CIBAR2: variants seen among roughly 807,000 people sequenced by gnomAD.
The protein encoded by CIBAR2 is CBY1-interacting BAR domain-containing protein 2.
A neutral mutation model predicts 36.2 loss-of-function variants in CIBAR2; 38 were observed. The observed-to-expected ratio is 1.05, with a 90% CI of 0.81 to 1.38. The LOEUF is 1.38. CIBAR2 is among the 40% of genes most tolerant of loss of function. CIBAR2 has a pLI of 0.00. For synonymous variants in CIBAR2, 182 were observed against 149.5 expected (o/e 1.22, Z -1.58); for missense variants, 481 against 383.4 (o/e 1.25, Z -2.13).
In CIBAR2 at chr16:85,098,696, T is replaced by A; in HGVS notation, c.*489A>T. ...CTCTGAGCACTCTAAATAATAATAA[T>A]AATAAAACGACAGCAACATCAGTAA... On this transcript the variant is annotated 3_prime_UTR_variant, in exon 9 of 9. Transcript: ENST00000539556. The A allele has an allele frequency of 1.1e-6, 1 of 903,924 alleles. No individual in the cohort carries two copies. The highest frequency in any genetic ancestry group is 1.3e-6 in the Non-Finnish European group (1 of 755,304). 56.0% of individuals were successfully genotyped at this position (903,924 alleles called of 1,614,324 possible). A position where few individuals can be genotyped will look rare whatever the true frequency, so the allele number is the denominator to read the frequency against.
rs753392565 is a variant in CIBAR2 at position 85,105,371 on chromosome 16, C to A, written c.493G>T (p.Glu165Ter). The A allele has an allele frequency of 1.2e-6, 2 of 1,613,802 alleles. No homozygotes were observed. The highest frequency in any genetic ancestry group is 2.7e-5 in the African/African-American group (2 of 74,948). The change falls in exon 6 of 9, where the codon GAG becomes TAG. Residue 165 changes from glutamate to a stop codon, truncating the protein, a stop_gained. Coordinates refer to ENST00000539556, the MANE Select transcript of CIBAR2 (RefSeq NM_198491.3). LOFTEE classifies it high-confidence loss of function. ...TGCCTCTGGAAGCCATCCACAGTCT[C>A]CTCCAGCTGGAGGGTGGTGCGGCTG... is the stretch of plus-strand genomic sequence containing the variant. ...DSSRTTLQLE[E>*]TVDGFQRQKL...
chr16:85,107,130 G>C (rs933081919), intron 5 of CIBAR2, among the ~76,000 whole-genome samples: 1 of 151,708 alleles, frequency 6.6e-6, no homozygotes, highest in Non-Finnish European at 1.5e-5. Flanking sequence ...CTAGGCAACA[G>C]AGCGAGACTT....
At position 85,098,763 on chromosome 16, in the gene CIBAR2, A is replaced by G. The variant is rs2073930339; in HGVS notation, c.*422T>C. Reference sequence around the variant, plus strand: ...AAGTCTCAAGTGTTTGTTGCGCAACAGGCCGGGTTTTCTGTGCTTCGTATA... The same window carrying G: ...AAGTCTCAAGTGTTTGTTGCGCAACGGGCCGGGTTTTCTGTGCTTCGTATA... On this transcript the variant is annotated 3_prime_UTR_variant, in exon 9 of 9. Coordinates refer to ENST00000539556, the MANE Select transcript of CIBAR2 (RefSeq NM_198491.3). 1 of 465,380 alleles carries G rather than the reference A, an allele frequency of 2.1e-6. No individual in the cohort carries two copies. Among genetic ancestry groups the G allele is most frequent in the South Asian group, 9.1e-5 (1 of 11,044 alleles). The allele number at this position is 465,380 out of a possible 1,614,324, so 28.8% of individuals were successfully genotyped here. A position where few individuals can be genotyped will look rare whatever the true frequency, so the allele number is the denominator to read the frequency against.
In CIBAR2 at chr16:85,099,087, AACAAAG is replaced by A; in HGVS notation, c.*92_*97del. 1 of 1,384,514 alleles carries A rather than the reference AACAAAG, an allele frequency of 7.2e-7. No homozygotes were observed. Among genetic ancestry groups the A allele is most frequent in the Non-Finnish European group, 9.5e-7 (1 of 1,051,220 alleles). 85.8% of individuals were successfully genotyped at this position (1,384,514 alleles called of 1,614,324 possible). Reference sequence around the variant, plus strand: ...CAAGGTCTTTGAATTAACACAATCCAACAAAGACAAAGAAAAAAGAATCAGAAAATA... The same window carrying A: ...CAAGGTCTTTGAATTAACACAATCCAACAAAGAAAAAAGAATCAGAAAATA... On this transcript the variant is annotated 3_prime_UTR_variant, in exon 9 of 9. Transcript: ENST00000539556.
intron 5 of CIBAR2, among the ~76,000 whole-genome samples, 194 bp from the exon 6 acceptor site, chr16:85,105,625 G>C (rs1053688081): frequency 7.2e-5 from 11 of 152,330 alleles, no homozygotes; most frequent in Admixed American, 2.6e-4. Flanking sequence ...ACTGGAGTGA[G>C]ACACACCTGC....
chr16:85,107,160 G>T (rs1403873884), intron 5 of CIBAR2, among the ~76,000 whole-genome samples: 1 of 151,782 alleles, frequency 6.6e-6, no homozygotes, highest in African/African-American at 2.4e-5. Flanking sequence ...AAAAAAAGGG[G>T]GGGGGCACTC....
In CIBAR2 at chr16:85,105,414, C is replaced by T; in HGVS notation, c.450G>A (p.Gln150=). ...TGCGGCTGGAGTCCACAGCGGCCCT[C>T]TGCACTCTGGTCTCTGCCTGGCCCC... ...QMISQAETRV[Q]RAAVDSSRTT... Residue 150 remains glutamine, a synonymous_variant, in exon 6 of 9, where the codon CAG becomes CAA. Transcript: ENST00000539556. The T allele has an allele frequency of 1.9e-6, 3 of 1,613,752 alleles. No homozygotes were observed. The highest frequency in any genetic ancestry group is 2.5e-6 in the Non-Finnish European group (3 of 1,179,878).
At chr16:85,105,512 C>G in intron 5 of CIBAR2, 81 bp from the exon 6 acceptor site, 3 of 1,010,718 alleles carry the variant, frequency 3.0e-6, no homozygotes, top group Non-Finnish European at 4.6e-6. Flanking sequence ...CACTCTGTCT[C>G]TAAACCCTTC....
Position 85,098,573 on chromosome 16 carries a change from G to GGGGT in CIBAR2, c.*608_*611dup. On this transcript the variant is annotated 3_prime_UTR_variant, in exon 9 of 9. Coordinates refer to ENST00000539556, the MANE Select transcript of CIBAR2 (RefSeq NM_198491.3). ...ACTGTTGTGGGCAGTTCTCTCTTATGGGGTCCCTGCCCCAGTGCCCTGAGG... is the reference window on the plus strand; with the variant it reads ...ACTGTTGTGGGCAGTTCTCTCTTATGGGGTGGGTCCCTGCCCCAGTGCCCTGAGG... 1 of 985,956 alleles carries GGGGT rather than the reference G, an allele frequency of 1.0e-6. No homozygotes were observed. The highest frequency in any genetic ancestry group is 1.2e-6 in the Non-Finnish European group (1 of 830,012). The allele number at this position is 985,956 out of a possible 1,614,324, so 61.1% of individuals were successfully genotyped here. A position where few individuals can be genotyped will look rare whatever the true frequency, so the allele number is the denominator to read the frequency against.
At chr16:85,109,670 T>C (rs929922668) in intron 2 of CIBAR2, among the ~76,000 whole-genome samples, 17 of 152,150 alleles carry the variant, frequency 1.1e-4, no homozygotes. Flanking sequence ...CAGCTGCTTA[T>C]TTATTTATTT....
At position 85,099,364 on chromosome 16, in the gene CIBAR2, C is replaced by A. The variant is rs746745565; in HGVS notation, c.754-18G>T. 8 of 1,361,750 alleles carry A rather than the reference C, an allele frequency of 5.9e-6. No homozygotes were observed. The highest frequency in any genetic ancestry group is 8.4e-6 in the Non-Finnish European group (8 of 949,978). 84.4% of individuals were successfully genotyped at this position (1,361,750 alleles called of 1,614,324 possible). A position where few individuals can be genotyped will look rare whatever the true frequency, so the allele number is the denominator to read the frequency against. ...AGAGTTCCCTGCAGAAATATAAATGCACCTGATGGCAGGCCTTCCTGGGGC... is the reference window on the plus strand; with the variant it reads ...AGAGTTCCCTGCAGAAATATAAATGAACCTGATGGCAGGCCTTCCTGGGGC... On this transcript the variant is annotated intron_variant, in intron 8 of 8. Transcript: ENST00000539556.
chr16:85,109,893 CT>C (rs1464939450), intron 2 of CIBAR2, among the ~76,000 whole-genome samples: 1 of 152,156 alleles, frequency 6.6e-6, no homozygotes, highest in African/African-American at 2.4e-5. Flanking sequence ...CTCCTTGCCC[CT>C]GACTCCCCAC....
At chr16:85,100,842 T>G (rs2073949715) in intron 7 of CIBAR2, among the ~76,000 whole-genome samples, 1 of 151,882 alleles carries the variant, frequency 6.6e-6, no homozygotes, top group African/African-American at 2.4e-5. Context: ...GGTCAGGAGA[T>G]CAAGACCATC....
At chr16:85,107,416 T>G (rs1383111740) in intron 5 of CIBAR2, among the ~76,000 whole-genome samples, 1 of 152,062 alleles carries the variant, frequency 6.6e-6, no homozygotes, top group Non-Finnish European at 1.5e-5. Context: ...CCACCTGATG[T>G]GAGCATTAAA....
At chr16:85,110,608 G>A in intron 1 of CIBAR2, 148 bp from the exon 2 acceptor site, 1 of 591,924 alleles carries the variant, frequency 1.7e-6, no homozygotes, top group Non-Finnish European at 2.9e-6. Flanking sequence ...CACTCAAGGT[G>A]GCAGCATCAC....
intron 7 of CIBAR2, among the ~76,000 whole-genome samples, chr16:85,101,677 G>GTTT (rs67703926): frequency 6.9e-4 from 97 of 139,948 alleles, no homozygotes; most frequent in East Asian, 2.5e-3. Context: ...TTTTGTTTTT[G>GTTT]TTTTTTTTTT....
At position 85,102,215 on chromosome 16, in the gene CIBAR2, A is replaced by G. The variant is rs1460506791; in HGVS notation, c.650T>C (p.Leu217Pro). 6.5e-6 allele frequency: 10 copies of G among 1,542,132 alleles called. No individual in the cohort carries two copies. Among genetic ancestry groups the G allele is most frequent in the Non-Finnish European group, 9.0e-7 (1 of 1,114,360 alleles). ...LEKYDLERDL[L>P]DFRAKMQGVY... ...GGAAACGGGGTGTCTGTGACTCACC[A>G]GTAGATCCCTCTCCAGGTCATACTT... The change falls in exon 7 of 9, where the codon CTG (leucine) becomes CCG (proline). Residue 217 changes from leucine (L) to proline (P), a missense_variant and splice_region_variant. By Grantham distance (98) the Leu-to-Pro change is moderately conservative. Coordinates refer to ENST00000539556, the MANE Select transcript of CIBAR2 (RefSeq NM_198491.3).
At chr16:85,100,452 A>G (rs1433811297) in intron 7 of CIBAR2, among the ~76,000 whole-genome samples, 1 of 152,188 alleles carries the variant, frequency 6.6e-6, no homozygotes, top group East Asian at 1.9e-4. Flanking sequence ...TACAGATGGG[A>G]GAGGCCCAGA....
rs978354414 is a variant in CIBAR2 at position 85,107,962 on chromosome 16, G to A, written c.325-15C>T. 3.1e-6 allele frequency: 5 copies of A among 1,613,626 alleles called. No homozygotes were observed. The highest frequency in any genetic ancestry group is 4.2e-6 in the Non-Finnish European group (5 of 1,179,622). The stretch of plus-strand genomic sequence containing the variant: ...TTGATCTCAGCCTGCAGAAAAGGAG[G>A]AGGGTTGTTTCCTGGGATCCCACAG... On this transcript the variant is annotated splice_polypyrimidine_tract_variant and intron_variant, in intron 3 of 8. Coordinates refer to ENST00000539556, the MANE Select transcript of CIBAR2 (RefSeq NM_198491.3).
Sources: allele counts gnomAD v4.1 joint callset (sites outside exome capture counted in the v4.1 genomes callset), GRCh38; gene constraint gnomAD v4.1.1; transcripts MANE v1.5; gene names NCBI Gene and HGNC (gene_info 2026-07-23, HGNC 2026-07-21).